Variants in EBPL observed in about 807,000 individuals in gnomAD.
The protein encoded by EBPL is EBP like, also known as emopamil-binding protein-like.
Under a neutral mutation model 19.0 loss-of-function variants are expected in EBPL, and 20 were observed. The observed-to-expected ratio is 1.05, with a 90% CI of 0.74 to 1.53. EBPL has a LOEUF of 1.53. Among genes scored for constraint, EBPL ranks in the 40% most tolerant of loss-of-function variants. The pLI is 0.00. For synonymous variants in EBPL, 107 were observed against 117.0 expected, an observed-to-expected ratio of 0.91 and a Z score of 0.55; for missense variants, 219 against 261.1, an observed-to-expected ratio of 0.84 and a Z score of 1.11.
At chr13:49,674,147 AG>A (rs1953850707) in intron 1 of EBPL, among the ~76,000 whole-genome samples, 1 of 152,174 alleles carries the variant, frequency 6.6e-6, no homozygotes, top group Admixed American at 6.5e-5. Flanking sequence ...CTTGCTCCCC[AG>A]GCAGGAGTGC....
At chr13:49,663,651 T>G (rs776974958) in intron 2 of EBPL, among the ~76,000 whole-genome samples, 36 of 152,170 alleles carry the variant, frequency 2.4e-4, no homozygotes, top group Non-Finnish European at 4.1e-4. Flanking sequence ...AAAAAACACG[T>G]TTATGGCCAG....
intron 1 of EBPL, among the ~76,000 whole-genome samples, chr13:49,676,047 T>TA (rs1953872397): frequency 6.6e-6 from 1 of 152,150 alleles, no homozygotes; most frequent in Non-Finnish European, 1.5e-5. Context: ...ACCTTTGAGG[T>TA]TTTTTTTAAT....
chr13:49,668,572 GA>G (rs562724684), intron 2 of EBPL: 816 of 338,118 alleles, frequency 2.4e-3, no homozygotes, highest in Middle Eastern at 6.6e-3. Flanking sequence ...AGACTCGCCT[GA>G]AAAAAAAAAG....
rs533306025 is a variant in EBPL, at chr13:49,667,106, C to T, written c.241+2671G>A. Among the ~76,000 whole-genome samples, 133 of 152,068 alleles carry T rather than the reference C, an allele frequency of 8.7e-4. 3 individuals carry two copies. The highest frequency in any genetic ancestry group is 3.0e-3 in the African/African-American group (125 of 41,482). Reference sequence around the variant, plus strand: ...TAATGCGTGAGAGGAAGGTAGGGGACGGATAGTAAGGGGCCCTGGAATCCA... The same window carrying T: ...TAATGCGTGAGAGGAAGGTAGGGGATGGATAGTAAGGGGCCCTGGAATCCA... On this transcript the variant is annotated intron_variant, in intron 2 of 3. Transcript: ENST00000242827.
intron 1 of EBPL, among the ~76,000 whole-genome samples, chr13:49,688,547 G>A (rs530125395): frequency 7.2e-5 from 11 of 151,966 alleles, no homozygotes; most frequent in South Asian, 2.1e-4. Flanking sequence ...GTGAAACCCC[G>A]TCTCTACAAA....
intron 1 of EBPL, among the ~76,000 whole-genome samples, chr13:49,687,110 C>T (rs1414966181): frequency 1.3e-5 from 2 of 152,152 alleles, no homozygotes; most frequent in African/African-American, 4.8e-5. Context: ...ACTATTCTCT[C>T]TTAACTGCAC....
At chr13:49,682,789 G>C (rs1953955693) in intron 1 of EBPL, among the ~76,000 whole-genome samples, 1 of 152,114 alleles carries the variant, frequency 6.6e-6, no homozygotes, top group African/African-American at 2.4e-5. Context: ...ATTTGCAGGG[G>C]AAAGGGGCAT....
At chr13:49,675,162 T>C (rs1376331509) in intron 1 of EBPL, among the ~76,000 whole-genome samples, 1 of 152,250 alleles carries the variant, frequency 6.6e-6, no homozygotes, top group Non-Finnish European at 1.5e-5. Flanking sequence ...CACACAAACC[T>C]AGGTTGTGTA....
chr13:49,667,315 A>G (rs1186209947), intron 2 of EBPL, among the ~76,000 whole-genome samples: 1 of 152,226 alleles, frequency 6.6e-6, no homozygotes, highest in Admixed American at 6.5e-5. Flanking sequence ...AACTGGACTT[A>G]GGTGAGGTTT....
intron 1 of EBPL, among the ~76,000 whole-genome samples, chr13:49,678,551 G>C (rs544429607): frequency 6.6e-6 from 1 of 152,172 alleles, no homozygotes; most frequent in Non-Finnish European, 1.5e-5. Flanking sequence ...CTGCTGGCCC[G>C]GGTGCTAAGC....
intron 2 of EBPL, chr13:49,668,389 T>A (rs180838292): frequency 1.3e-5 from 3 of 231,384 alleles, no homozygotes; most frequent in Admixed American, 5.6e-5. Context: ...CTGGCTAACA[T>A]GGTGAAACCC....
At chr13:49,690,850 T>C (rs188477640) in intron 1 of EBPL, among the ~76,000 whole-genome samples, 6 of 152,342 alleles carry the variant, frequency 3.9e-5, no homozygotes, top group Admixed American at 1.3e-4. Context: ...TTTGCGACAA[T>C]AGCCTTGCTG....
chr13:49,682,992 G>A (rs950110281), intron 1 of EBPL, among the ~76,000 whole-genome samples: 1 of 151,978 alleles, frequency 6.6e-6, no homozygotes, highest in East Asian at 1.9e-4. Flanking sequence ...TGAATTTATT[G>A]AGCTAGAGTC....
chr13:49,682,629 T>G (rs1416472622), intron 1 of EBPL, among the ~76,000 whole-genome samples: 4 of 152,266 alleles, frequency 2.6e-5, no homozygotes, highest in African/African-American at 4.8e-5. Context: ...GGATGATTTG[T>G]GTGCATGGCC....
At chr13:49,661,980 T>G in intron 3 of EBPL, 3 of 1,445,266 alleles carry the variant, frequency 2.1e-6, no homozygotes, top group Non-Finnish European at 1.9e-6. Context: ...CTGAGTCTGA[T>G]AGGATGGATA....
chr13:49,684,930 G>A (rs1332248452), intron 1 of EBPL, among the ~76,000 whole-genome samples: 1 of 152,086 alleles, frequency 6.6e-6, no homozygotes, highest in Non-Finnish European at 1.5e-5. Flanking sequence ...TTTTGAGACA[G>A]GATCTTGCTC....
intron 1 of EBPL, among the ~76,000 whole-genome samples, chr13:49,683,777 C>G (rs369136035): frequency 6.3e-4 from 96 of 152,254 alleles, no homozygotes; most frequent in African/African-American, 2.2e-3. Context: ...AACAGTACAG[C>G]CGCCGTGGAA....
At chr13:49,661,995 T>A in intron 3 of EBPL, 1 of 1,393,298 alleles carries the variant, frequency 7.2e-7, no homozygotes, top group Non-Finnish European at 9.9e-7. Flanking sequence ...TGGATAATTT[T>A]TTCATCCTTT....
At chr13:49,690,797 A>G (rs1954054216) in intron 1 of EBPL, among the ~76,000 whole-genome samples, 1 of 152,208 alleles carries the variant, frequency 6.6e-6, no homozygotes, top group South Asian at 2.1e-4. Context: ...CCTGGCACAC[A>G]TTAGACACGG....
Sources: gnomAD v4.1 joint callset for allele counts (sites outside exome capture counted in the v4.1 genomes callset) on GRCh38, gnomAD v4.1.1 for gene constraint, MANE v1.5 for transcripts, NCBI Gene and HGNC (gene_info 2026-07-23, HGNC 2026-07-21) for gene names.